EHBP1: variants seen among roughly 807,000 people sequenced by gnomAD.
EHBP1 encodes the protein EH domain-binding protein 1.
Under a neutral mutation model 144.0 loss-of-function variants are expected in EHBP1, and 55 were observed. The observed-to-expected ratio is 0.38, with a 90% confidence interval of 0.31 to 0.48. The LOEUF is 0.48. EHBP1 is among the 20% of genes least tolerant of loss of function. The pLI, the probability that EHBP1 is intolerant of heterozygous loss-of-function variation, is 0.98. For synonymous variants in EHBP1, 469 were observed against 472.7 expected, an observed-to-expected ratio of 0.99 and a Z score of 0.10; for missense variants, 1,200 against 1,364.2, an observed-to-expected ratio of 0.88 and a Z score of 1.90.
At chr2:62,710,058 G>GT (rs2034994321) in intron 2 of EHBP1, among the ~76,000 whole-genome samples, 1 of 152,108 alleles carries the variant, frequency 6.6e-6, no homozygotes, top group South Asian at 2.1e-4. Context: ...TTGGCAAGTA[G>GT]TAAGACTGGC....
chr2:62,742,365 T>C (rs1250589631), intron 2 of EHBP1, among the ~76,000 whole-genome samples: 3 of 152,156 alleles, frequency 2.0e-5, no homozygotes, highest in African/African-American at 4.8e-5. Flanking sequence ...CCCACAGATA[T>C]GGAGAGACAA....
intron 10 of EHBP1, among the ~76,000 whole-genome samples, chr2:62,926,153 A>C (rs776897293): frequency 1.3e-5 from 2 of 152,160 alleles, no homozygotes; most frequent in Non-Finnish European, 2.9e-5. Flanking sequence ...TCATTGGGGA[A>C]AGATAGTCTC....
chr2:62,787,654 A>G (rs1048418407), intron 5 of EHBP1, among the ~76,000 whole-genome samples: 1 of 152,222 alleles, frequency 6.6e-6, no homozygotes, highest in African/African-American at 2.4e-5. Context: ...AAATGAATGC[A>G]ATAGCAAGGC....
At chr2:62,688,875 C>A (rs1433127388) in intron 1 of EHBP1, among the ~76,000 whole-genome samples, 1 of 152,068 alleles carries the variant, frequency 6.6e-6, no homozygotes, top group East Asian at 1.9e-4. Flanking sequence ...ATTAATCCCC[C>A]TTTTTGGTCG....
In EHBP1 at chr2:62,716,176, C is replaced by T. The variant is rs114009016; in HGVS notation, c.104+8881C>T. On this transcript the variant is annotated intron_variant, in intron 2 of 22. Coordinates refer to ENST00000431489, the MANE Select transcript of EHBP1 (RefSeq NM_001142616.3). ...CCTCTACTTCCAGAATTTTCTGCCC[C>T]GCAACCCCCCACCACGCCCCAACCC... Among the ~76,000 whole-genome samples, 1,076 of 152,132 alleles carry T rather than the reference C, an allele frequency of 7.1e-3. 4 individuals are homozygous for T. The highest frequency in any genetic ancestry group is 0.013 in the Non-Finnish European group (887 of 67,992).
intron 1 of EHBP1, among the ~76,000 whole-genome samples, chr2:62,676,972 G>A (rs1378751365): frequency 6.6e-6 from 1 of 152,154 alleles, no homozygotes; most frequent in African/African-American, 2.4e-5. Context: ...AGACTAACCT[G>A]GGCAGCATAG....
chr2:62,832,442 T>C (rs888485616), intron 7 of EHBP1, among the ~76,000 whole-genome samples: 31 of 148,962 alleles, frequency 2.1e-4, no homozygotes, highest in Middle Eastern at 7.3e-3. Context: ...TTTTTTCTTT[T>C]TTTTTTTTTT....
intron 9 of EHBP1, among the ~76,000 whole-genome samples, chr2:62,867,745 A>T (rs923312422): frequency 1.3e-5 from 2 of 152,212 alleles, no homozygotes; most frequent in Non-Finnish European, 2.9e-5. Context: ...GGGACTTAGA[A>T]TAATCAAAAC....
At chr2:62,678,015 G>A (rs1386324707) in intron 1 of EHBP1, among the ~76,000 whole-genome samples, 2 of 152,128 alleles carry the variant, frequency 1.3e-5, no homozygotes, top group Non-Finnish European at 2.9e-5. Flanking sequence ...GGGATTCCTG[G>A]ATCATATAGT....
intron 10 of EHBP1, among the ~76,000 whole-genome samples, chr2:62,920,054 G>T (rs1455803121): frequency 6.6e-6 from 1 of 152,122 alleles, no homozygotes; most frequent in Non-Finnish European, 1.5e-5. Flanking sequence ...CAGAGAAAGG[G>T]AGAGATAATA....
rs78033836 is a variant in EHBP1 at position 62,996,450 on chromosome 2, C to G, written c.2980-193C>G. On this transcript the variant is annotated intron_variant, in intron 18 of 22. Coordinates refer to ENST00000431489, the MANE Select transcript of EHBP1 (RefSeq NM_001142616.3). ...TAATAGTAAACAGCTGAAGATCTCT[C>G]TATTTATAAAAGTTTGGTATATGTA... Among the ~76,000 whole-genome samples the G allele has an allele frequency of 3.1e-3, 469 of 152,140 alleles. 2 individuals are homozygous for G. Among genetic ancestry groups the G allele is most frequent in the African/African-American group, 0.011 (436 of 41,506 alleles).
chr2:62,717,005 C>T (rs369141812), intron 2 of EHBP1, among the ~76,000 whole-genome samples: 9 of 152,086 alleles, frequency 5.9e-5, no homozygotes, highest in South Asian at 4.1e-4. Context: ...TGGCCTCAAG[C>T]GACCCTCTGC....
At chr2:63,023,487 G>A (rs1210825761) in intron 19 of EHBP1, among the ~76,000 whole-genome samples, 1 of 152,190 alleles carries the variant, frequency 6.6e-6, no homozygotes, top group Non-Finnish European at 1.5e-5. Flanking sequence ...TTAAACTAGT[G>A]ACATTGATAC....
intron 10 of EHBP1, among the ~76,000 whole-genome samples, chr2:62,893,460 A>G (rs2052621484): frequency 1.3e-5 from 2 of 152,364 alleles, no homozygotes; most frequent in Non-Finnish European, 2.9e-5. Context: ...CCAGTTCAGT[A>G]GTGCTCATTA....
chr2:62,897,332 T>C (rs1486708353), intron 10 of EHBP1, among the ~76,000 whole-genome samples: 2 of 152,232 alleles, frequency 1.3e-5, no homozygotes, highest in Non-Finnish European at 2.9e-5. Flanking sequence ...TATGTGGATG[T>C]ACTATAATTT....
chr2:63,001,976 T>A (rs1366568603), intron 19 of EHBP1, among the ~76,000 whole-genome samples: 1 of 152,192 alleles, frequency 6.6e-6, no homozygotes. Context: ...GCCAACCTAT[T>A]TGGCTCATTT....
chr2:62,912,955 A>G (rs1333685261), intron 10 of EHBP1, among the ~76,000 whole-genome samples: 1 of 152,198 alleles, frequency 6.6e-6, no homozygotes, highest in Non-Finnish European at 1.5e-5. Flanking sequence ...TTCTATCAGT[A>G]AGAGATGCCA....
intron 5 of EHBP1, among the ~76,000 whole-genome samples, chr2:62,799,853 A>G (rs2043845619): frequency 6.6e-6 from 1 of 152,182 alleles, no homozygotes; most frequent in Non-Finnish European, 1.5e-5. Context: ...TCCTTCAGGT[A>G]ATTTTGGAGT....
chr2:62,924,797 T>C (rs1225354193), intron 10 of EHBP1, among the ~76,000 whole-genome samples: 1 of 152,210 alleles, frequency 6.6e-6, no homozygotes, highest in Non-Finnish European at 1.5e-5. Flanking sequence ...TACCAATTCC[T>C]CTCAAACTAC....
Sources: allele counts gnomAD v4.1 joint callset (sites outside exome capture counted in the v4.1 genomes callset), GRCh38; gene constraint gnomAD v4.1.1; transcripts MANE v1.5; gene names NCBI Gene and HGNC (gene_info 2026-07-23, HGNC 2026-07-21).